Variants in SHISA5 observed in about 807,000 individuals in gnomAD.
SHISA5 encodes protein shisa-5.
In SHISA5, 21 loss-of-function variants were observed where a neutral mutation model predicts 27.5. The observed-to-expected ratio is 0.76, with a 90% CI of 0.54 to 1.10. The LOEUF is 1.10. SHISA5 is among the 50% of genes least tolerant of loss of function. SHISA5 has a pLI of 0.00. For synonymous variants in SHISA5, 137 were observed against 142.2 expected (o/e 0.96, Z 0.26); for missense variants, 314 against 336.3 (o/e 0.93, Z 0.52).
At chr3:48,474,251 CTATT>C (rs1283185947) in intron 3 of SHISA5, among the ~76,000 whole-genome samples, 1 of 151,358 alleles carries the variant, frequency 6.6e-6, no homozygotes, top group Non-Finnish European at 1.5e-5. Context: ...CCACACTCGG[CTATT>C]TTTTTATTTT....
rs138703955 is a variant in SHISA5, at chr3:48,469,374, G to A, written c.630C>T (p.His210=). Residue 210 remains histidine (H), a synonymous_variant, in exon 5 of 6, where the codon CAC becomes CAT. Transcript: ENST00000296444. The surrounding 1 kb of genome is among the most constrained non-coding windows in gnomAD (Gnocchi z 4.6). ...PAQPMGPPAY[H]ETLAGGAAAP... ...AGGGGCACTCACCAGCCAGGGTCTCGTGGTAGGCCGGTGGGCCCATGGGCT... is the reference window on the plus strand; with the variant it reads ...AGGGGCACTCACCAGCCAGGGTCTCATGGTAGGCCGGTGGGCCCATGGGCT... 24 of 1,589,642 alleles carry A rather than the reference G, an allele frequency of 1.5e-5. No homozygotes were observed. The highest frequency in any genetic ancestry group is 2.3e-5 in the South Asian group (2 of 87,820).
chr3:48,504,266 G>GGGAGGAT, upstream of SHISA5: 1 of 373,994 alleles, frequency 2.7e-6, no homozygotes, highest in Middle Eastern at 6.9e-4. This position sits in a 1 kb window ranked among gnomAD's most constrained non-coding sequence, Gnocchi z 4.0. Context: ...GGAGGGAGGA[G>GGGAGGAT]GGAGGAGGGA....
rs1203560192 is a variant in SHISA5 at position 48,469,091 on chromosome 3, A to G, written c.*16T>C. 8.7e-6 allele frequency: 14 copies of G among 1,612,778 alleles called. No homozygotes were observed. Among genetic ancestry groups the G allele is most frequent in the South Asian group, 7.7e-5 (7 of 91,086 alleles). ...CACAACATAACCAAGTGGCAGCCAG[A>G]GAGGCCAGGGAATGCTCAGAGGGCC... On this transcript the variant is annotated 3_prime_UTR_variant, in exon 6 of 6. Coordinates refer to ENST00000296444, the MANE Select transcript of SHISA5 (RefSeq NM_016479.6). This position sits in a 1 kb window ranked among gnomAD's most constrained non-coding sequence, Gnocchi z 4.6.
In SHISA5 at chr3:48,468,144, G is replaced by GACTC. The variant is rs1368444014; in HGVS notation, c.*959_*962dup. 2.0e-6 allele frequency: 2 copies of GACTC among 999,776 alleles called. No individual in the cohort carries two copies. Among genetic ancestry groups the GACTC allele is most frequent in the African/African-American group, 3.5e-5 (2 of 57,390 alleles). The allele number at this position is 999,776 out of a possible 1,614,324, so 61.9% of individuals were successfully genotyped here. The stretch of plus-strand genomic sequence containing the variant: ...CATGAGGCTGGTGTCGGGAAGCAGG[G>GACTC]ACTCACAGTTGCCAGGTTGTCCATC... On this transcript the variant is annotated 3_prime_UTR_variant, in exon 6 of 6. Coordinates refer to ENST00000296444, the MANE Select transcript of SHISA5 (RefSeq NM_016479.6).
At chr3:48,499,724 T>G (rs111550276) in intron 2 of SHISA5, among the ~76,000 whole-genome samples, 2 of 3,394 alleles carry the variant, frequency 5.9e-4, no homozygotes, top group Non-Finnish European at 7.4e-4. Flanking sequence ...ATTAGCCAGG[T>G]GTGGTGGTGC....
intron 2 of SHISA5, among the ~76,000 whole-genome samples, chr3:48,490,361 C>A (rs1266498444): frequency 6.6e-6 from 1 of 152,278 alleles, no homozygotes; most frequent in African/African-American, 2.4e-5. Flanking sequence ...GTATGAGCCA[C>A]TGCACCTGGC....
intron 2 of SHISA5, among the ~76,000 whole-genome samples, chr3:48,487,828 AG>A (rs2041297053): frequency 6.6e-6 from 1 of 152,160 alleles, no homozygotes; most frequent in African/African-American, 2.4e-5. Context: ...CCTGGGAGGC[AG>A]AGGTTGCAGT....
chr3:48,493,322 C>T lies in SHISA5; in HGVS notation c.233+7815G>A, dbSNP rs974465483. On this transcript the variant is annotated intron_variant, in intron 2 of 5. Transcript: ENST00000296444. ...GCGCATGCCTGTAATCCCAGCTGCT[C>T]GGTAGGCTGAGGTCAGAGGATGGCT... Among the ~76,000 whole-genome samples, 135 of 145,780 alleles carry T rather than the reference C, an allele frequency of 9.3e-4. 4 individuals are homozygous for T. The East Asian group carries it at 0.021, about 23-fold the overall frequency.
Position 48,502,646 on chromosome 3 carries a change from T to C in SHISA5, c.77-1353A>G, listed in dbSNP as rs1398093688. 2.7e-5 allele frequency: 9 copies of C among 337,846 alleles called. No homozygotes were observed. The East Asian group carries it at 7.0e-4, about 26-fold the overall frequency. The allele number at this position is 337,846 out of a possible 1,614,324, so 20.9% of individuals were successfully genotyped here. On this transcript the variant is annotated intron_variant, in intron 1 of 5. Coordinates refer to ENST00000296444, the MANE Select transcript of SHISA5 (RefSeq NM_016479.6). ...CAAATGTTCCCATGTATCCTCAGGC[T>C]ACATTAGCAGAGACCTGTGCCCACT...
intron 3 of SHISA5, among the ~76,000 whole-genome samples, chr3:48,477,943 A>ACCCACC (rs1227703478): frequency 1.3e-5 from 2 of 152,054 alleles, no homozygotes; most frequent in Non-Finnish European, 2.9e-5. Flanking sequence ...CACCTCCCAC[A>ACCCACC]CCCACCCCAT....
Position 48,469,371 on chromosome 3 carries a change from C to G in SHISA5, c.633G>C (p.Glu211Asp), listed in dbSNP as rs1315206295. ...AQPMGPPAYH[E>D]TLAGGAAAPY... ...GGCAGGGGCACTCACCAGCCAGGGT[C>G]TCGTGGTAGGCCGGTGGGCCCATGG... The change falls in exon 5 of 6, where the codon GAG becomes GAC. Residue 211 changes from glutamate to aspartate, a missense_variant. By Grantham distance (45) the Glu-to-Asp change is conservative (BLOSUM62 2). Transcript: ENST00000296444. The surrounding 1 kb of genome is among the most constrained non-coding windows in gnomAD (Gnocchi z 4.6). 3.1e-6 allele frequency: 5 copies of G among 1,587,302 alleles called. No homozygotes were observed. Among genetic ancestry groups the G allele is most frequent in the Non-Finnish European group, 4.3e-6 (5 of 1,164,144 alleles).
In SHISA5 at chr3:48,468,755, G is replaced by A. The variant is rs2040457032; in HGVS notation, c.*352C>T. Reference sequence around the variant, plus strand: ...CTACTTGGTCACCCTAGGGTAAGCTGGAGAAGAACTCCAGATGTGCCCTGG... The same window carrying A: ...CTACTTGGTCACCCTAGGGTAAGCTAGAGAAGAACTCCAGATGTGCCCTGG... On this transcript the variant is annotated 3_prime_UTR_variant, in exon 6 of 6. Transcript: ENST00000296444. 1 of 1,369,806 alleles carries A rather than the reference G, an allele frequency of 7.3e-7. No individual in the cohort carries two copies. Among genetic ancestry groups the A allele is most frequent in the Admixed American group, 2.2e-5 (1 of 45,552 alleles). 84.9% of individuals were successfully genotyped at this position (1,369,806 alleles called of 1,614,324 possible). A position where few individuals can be genotyped will look rare whatever the true frequency, so the allele number is the denominator to read the frequency against.
At chr3:48,499,541 G>C (rs1052669909) in intron 2 of SHISA5, among the ~76,000 whole-genome samples, 1 of 151,140 alleles carries the variant, frequency 6.6e-6, no homozygotes, top group Non-Finnish European at 1.5e-5. Context: ...TAGGCCGGGC[G>C]TGGTGGCGGG....
rs1044777093 is a variant in SHISA5 at position 48,495,100 on chromosome 3, C to T, written c.233+6037G>A. ...GGGATTACAGGTGTGAGCCACTCCA[C>T]CTAGCCTATATCTCAATATTTTGAA... On this transcript the variant is annotated intron_variant, in intron 2 of 5. Transcript: ENST00000296444. 3.4e-5 allele frequency among the ~76,000 whole-genome samples: 5 copies of T among 146,928 alleles called. No individual in the cohort carries two copies. In the East Asian group the frequency reaches 9.6e-4, roughly 28 times the overall value.
At position 48,469,233 on chromosome 3, in the gene SHISA5, C is replaced by T. The variant is rs375488417; in HGVS notation, c.644-47G>A. On this transcript the variant is annotated intron_variant, in intron 5 of 5. Transcript: ENST00000296444. This position sits in a 1 kb window ranked among gnomAD's most constrained non-coding sequence, Gnocchi z 4.6. ...GTTGGCTGTGAGCATGGTGGGCTGC[C>T]GTGTGAGTGGCAGGCAAGCAGAAAG... 1.8e-4 allele frequency: 289 copies of T among 1,598,664 alleles called. No homozygotes were observed. The highest frequency in any genetic ancestry group is 2.2e-4 in the Non-Finnish European group (259 of 1,173,202).
rs1307793588 is a variant in SHISA5 at position 48,468,196 on chromosome 3, A to AG, written c.*910dup. 2.0e-6 allele frequency: 2 copies of AG among 1,001,312 alleles called. No individual in the cohort carries two copies. Among genetic ancestry groups the AG allele is most frequent in the Non-Finnish European group, 2.4e-6 (2 of 838,488 alleles). The allele number at this position is 1,001,312 out of a possible 1,614,324, so 62.0% of individuals were successfully genotyped here. ...CTGAGCCAATTTCCCTCCACAACCCAGGGGTTTCAGTCTCATATCAACTAT... is the reference window on the plus strand; with the variant it reads ...CTGAGCCAATTTCCCTCCACAACCCAGGGGGTTTCAGTCTCATATCAACTAT... On this transcript the variant is annotated 3_prime_UTR_variant, in exon 6 of 6. Coordinates refer to ENST00000296444, the MANE Select transcript of SHISA5 (RefSeq NM_016479.6).
chr3:48,494,299 C>CTTTTTTT (rs1328472129), intron 2 of SHISA5, among the ~76,000 whole-genome samples: 1 of 129,740 alleles, frequency 7.7e-6, no homozygotes. Flanking sequence ...TCTGGATTTC[C>CTTTTTTT]TTTTTTTTTT....
At chr3:48,482,430 A>G (rs1049531719) in intron 2 of SHISA5, among the ~76,000 whole-genome samples, 2 of 152,128 alleles carry the variant, frequency 1.3e-5, no homozygotes, top group Non-Finnish European at 2.9e-5. Flanking sequence ...ATAAAATAAC[A>G]TAATAACATT....
Position 48,468,853 on chromosome 3 carries a change from A to G in SHISA5, c.*254T>C, listed in dbSNP as rs530198269. On this transcript the variant is annotated 3_prime_UTR_variant, in exon 6 of 6. Transcript: ENST00000296444. ...CCCCATTCTTTGAGTTTGGCTTGAGATTTTAGGAAGCATAATTTCAGGTGA... is the reference window on the plus strand; with the variant it reads ...CCCCATTCTTTGAGTTTGGCTTGAGGTTTTAGGAAGCATAATTTCAGGTGA... 5.5e-5 allele frequency: 84 copies of G among 1,514,812 alleles called. No homozygotes were observed. In the African/African-American group the frequency reaches 8.4e-4, roughly 15 times the overall value. The allele number at this position is 1,514,812 out of a possible 1,614,324, so 93.8% of individuals were successfully genotyped here.
Sources: gnomAD v4.1 joint callset for allele counts (sites outside exome capture counted in the v4.1 genomes callset) on GRCh38, gnomAD v4.1.1 for gene constraint, Gnocchi (gnomAD v3.1) non-coding constraint, MANE v1.5 for transcripts, NCBI Gene and HGNC (gene_info 2026-07-23, HGNC 2026-07-21) for gene names.